Variants in BRD7 observed in about 807,000 individuals in gnomAD.
BRD7 encodes the protein bromodomain containing 7.
BRD7 carries 15 observed loss-of-function variants against 82.1 expected under a neutral mutation model. The observed-to-expected ratio is 0.18, with a 90% CI of 0.12 to 0.28. The LOEUF (loss-of-function observed/expected upper bound fraction) is 0.28, where lower values mean the gene tolerates loss of function less well. BRD7 is among the 10% of genes least tolerant of loss of function. BRD7 has a pLI of 1.00. For synonymous variants in BRD7, 232 were observed against 266.9 expected (o/e 0.87, Z 1.27); for missense variants, 638 against 779.9 (o/e 0.82, Z 2.17).
chr16:50,323,174 T>C (rs1480390284), intron 12 of BRD7, among the ~76,000 whole-genome samples: 11 of 152,212 alleles, frequency 7.2e-5, no homozygotes, highest in Non-Finnish European at 1.3e-4. Flanking sequence ...AAAATAGCAA[T>C]GAGGAAGCTT....
At chr16:50,328,157 CAAA>C (rs1184982290) in intron 9 of BRD7, among the ~76,000 whole-genome samples, 2 of 152,012 alleles carry the variant, frequency 1.3e-5, no homozygotes, top group African/African-American at 4.8e-5. Context: ...TTTGAGAAAA[CAAA>C]AATATGACTG....
At chr16:50,323,735 C>G in intron 11 of BRD7, 37 bp from the exon 12 acceptor site, 1 of 1,486,324 alleles carries the variant, frequency 6.7e-7, no homozygotes, top group Non-Finnish European at 9.4e-7. Flanking sequence ...ACATAAATCA[C>G]CTCCACTGGC....
At chr16:50,323,466 G>C in intron 12 of BRD7, 121 bp downstream of exon 12, 2 of 828,646 alleles carry the variant, frequency 2.4e-6, no homozygotes, top group Admixed American at 2.4e-5. Flanking sequence ...GGGCTGGGCT[G>C]TCTTTCAGGG....
intron 8 of BRD7, among the ~76,000 whole-genome samples, chr16:50,329,885 T>G (rs916992739): frequency 3.9e-5 from 6 of 152,230 alleles, no homozygotes; most frequent in African/African-American, 1.4e-4. Flanking sequence ...TACACACATA[T>G]GTCTACTGTT....
chr16:50,328,477 CTG>C (rs923178926), intron 9 of BRD7, among the ~76,000 whole-genome samples, 190 bp downstream of exon 9: 17 of 152,130 alleles, frequency 1.1e-4, no homozygotes, highest in Admixed American at 5.9e-4. Flanking sequence ...ACTTGATATA[CTG>C]TACCTATTTC....
intron 2 of BRD7, among the ~76,000 whole-genome samples, chr16:50,365,988 T>G (rs1433266852): frequency 1.3e-5 from 2 of 151,966 alleles, no homozygotes; most frequent in Non-Finnish European, 2.9e-5. Context: ...GGGGGGAAGA[T>G]CCTAAAAATT....
rs1194105493 is a variant in BRD7 at position 50,323,902 on chromosome 16, C to T, written c.1332-204G>A. Among the ~76,000 whole-genome samples, 3 of 152,114 alleles carry T rather than the reference C, an allele frequency of 2.0e-5. No individual in the cohort carries two copies. The East Asian group carries it at 5.8e-4, about 29-fold the overall frequency. ...AAGAACACAGTAAAAATAAAACGTT[C>T]CAAAGAAAAATGAAACCTCAGTGAC... On this transcript the variant is annotated intron_variant, in intron 11 of 16. Transcript: ENST00000394688.
intron 8 of BRD7, among the ~76,000 whole-genome samples, chr16:50,329,425 T>TA (rs1180154866): frequency 6.6e-6 from 1 of 152,192 alleles, no homozygotes; most frequent in Non-Finnish European, 1.5e-5. Flanking sequence ...CTTCTGTTCC[T>TA]AAGTCCCTGT....
At chr16:50,354,505 A>G in intron 3 of BRD7, 23 bp from the exon 4 acceptor site, 1 of 1,595,114 alleles carries the variant, frequency 6.3e-7, no homozygotes. Context: ...AGAAGGGAAA[A>G]GGGTATTTTA....
At chr16:50,349,808 C>G (rs2038445875) in intron 5 of BRD7, among the ~76,000 whole-genome samples, 1 of 152,060 alleles carries the variant, frequency 6.6e-6, no homozygotes. Flanking sequence ...TCGCTAAAGA[C>G]AAAAATAATT....
intron 2 of BRD7, among the ~76,000 whole-genome samples, chr16:50,357,663 T>C (rs1320603014): frequency 6.6e-6 from 1 of 152,142 alleles, no homozygotes; most frequent in Non-Finnish European, 1.5e-5. Flanking sequence ...AGTCTAGAAC[T>C]GGGGCCAGCA....
At chr16:50,364,868 G>A (rs2039079038) in intron 2 of BRD7, among the ~76,000 whole-genome samples, 1 of 152,136 alleles carries the variant, frequency 6.6e-6, no homozygotes, top group African/African-American at 2.4e-5. Context: ...TGTATCAATG[G>A]GATTATGGTG....
chr16:50,363,195 A>G (rs1004409398), intron 2 of BRD7, among the ~76,000 whole-genome samples: 20 of 152,334 alleles, frequency 1.3e-4, no homozygotes, highest in South Asian at 6.2e-4. Flanking sequence ...AGCCTCACAG[A>G]ATTTTACCTA....
intron 1 of BRD7, 160 bp from the exon 2 acceptor site, chr16:50,368,458 G>C (rs1246926219): frequency 1.1e-6 from 1 of 875,146 alleles, no homozygotes; most frequent in South Asian, 1.8e-5. Flanking sequence ...CCGGGGGTGC[G>C]GCGGCGCCGC....
intron 2 of BRD7, among the ~76,000 whole-genome samples, chr16:50,366,029 G>A (rs550451785): frequency 1.1e-4 from 16 of 152,268 alleles, no homozygotes; most frequent in Admixed American, 5.2e-4. Context: ...CATATGCAAA[G>A]GACTAAGAAT....
Position 50,322,043 on chromosome 16 carries a change from A to C in BRD7, c.1444-5T>G. The C allele has an allele frequency of 1.3e-6, 2 of 1,593,402 alleles. No individual in the cohort carries two copies. Among genetic ancestry groups the C allele is most frequent in the Non-Finnish European group, 1.7e-6 (2 of 1,175,236 alleles). ...GCCTTCATCTTCAGGCAATGACTAT[A>C]AGGATGAAGAAAAACAGCTTTTTAG... On this transcript the variant is annotated splice_polypyrimidine_tract_variant and splice_region_variant and intron_variant, in intron 12 of 16. Coordinates refer to ENST00000394688, the MANE Select transcript of BRD7 (RefSeq NM_013263.5).
intron 2 of BRD7, among the ~76,000 whole-genome samples, chr16:50,356,423 T>C (rs1223498274): frequency 6.6e-6 from 1 of 152,188 alleles, no homozygotes; most frequent in Non-Finnish European, 1.5e-5. Flanking sequence ...TAATAAATTG[T>C]GTCATATTTA....
intron 5 of BRD7, among the ~76,000 whole-genome samples, chr16:50,343,386 C>A (rs2151175952): frequency 6.6e-6 from 1 of 152,352 alleles, no homozygotes; most frequent in African/African-American, 2.4e-5. Flanking sequence ...CAGCTCCCAG[C>A]ATGAGTGATG....
chr16:50,361,195 AGTTAT>A (rs2038921014), intron 2 of BRD7, among the ~76,000 whole-genome samples: 1 of 152,244 alleles, frequency 6.6e-6, no homozygotes, highest in Middle Eastern at 3.2e-3. Flanking sequence ...CTCGGATGTT[AGTTAT>A]GAGTCTGCCT....
Sources: gnomAD v4.1 joint callset for allele counts (sites outside exome capture counted in the v4.1 genomes callset) on GRCh38, gnomAD v4.1.1 for gene constraint, MANE v1.5 for transcripts, NCBI Gene and HGNC (gene_info 2026-07-23, HGNC 2026-07-21) for gene names.